C4orf17: variants seen among roughly 807,000 people sequenced by gnomAD.
C4orf17 encodes the protein chromosome 4 open reading frame 17.
Under a neutral mutation model 32.0 loss-of-function variants are expected in C4orf17, and 25 were observed. The observed-to-expected ratio is 0.78, with a 90% CI of 0.57 to 1.09. The LOEUF is 1.09. Ranked by LOEUF, C4orf17 falls within the 50% of genes least tolerant of loss-of-function variation. The pLI is 0.00. For missense variants in C4orf17, 420 were observed against 420.0 expected (o/e 1.00, Z 0.00); for synonymous variants, 149 against 145.8 (o/e 1.02, Z -0.16).
chr4:99,519,486 C>A (rs1318799775), intron 2 of C4orf17: 1 of 152,136 alleles, frequency 6.6e-6, no homozygotes, highest in Non-Finnish European at 1.5e-5. Context: ...GAAGGTGTGT[C>A]TGTTTTGTTC....
intron 1 of C4orf17, 128 bp downstream of exon 1, chr4:99,511,400 AAT>A (rs1021372591): frequency 6.6e-6 from 1 of 151,828 alleles, no homozygotes; most frequent in African/African-American, 2.4e-5. Flanking sequence ...AAGAAAATGA[AAT>A]ACACATTGTT....
chr4:99,529,989 T>C, intron 5 of C4orf17, 31 bp downstream of exon 5: 2 of 1,581,140 alleles, frequency 1.3e-6, no homozygotes, highest in Non-Finnish European at 1.7e-6. Flanking sequence ...ATCCATAACT[T>C]GGAAACAGCA....
At position 99,528,256 on chromosome 4, in the gene C4orf17, G is replaced by C. The variant is rs148334282; in HGVS notation, c.403-1559G>C. Reference sequence around the variant, plus strand: ...CAAAAGTTTATTCAATAAGTTTATTGATTTTATTAGTGTATCAAGGAATTG... The same window carrying C: ...CAAAAGTTTATTCAATAAGTTTATTCATTTTATTAGTGTATCAAGGAATTG... On this transcript the variant is annotated intron_variant, in intron 4 of 8. Coordinates refer to ENST00000326581, the MANE Select transcript of C4orf17 (RefSeq NM_032149.3). Among the ~76,000 whole-genome samples, 816 of 152,070 alleles carry C rather than the reference G, an allele frequency of 5.4e-3. 9 individuals carry two copies. Among genetic ancestry groups the C allele is most frequent in the African/African-American group, 0.018 (759 of 41,490 alleles).
intron 6 of C4orf17, 38 bp from the exon 7 acceptor site, chr4:99,539,125 C>G (rs548487782): frequency 1.3e-6 from 2 of 1,572,276 alleles, no homozygotes; most frequent in East Asian, 4.5e-5. Flanking sequence ...ATAATTGCAA[C>G]CTTCACTCCT....
intron 6 of C4orf17, among the ~76,000 whole-genome samples, chr4:99,538,828 T>C (rs1723606294): frequency 6.6e-6 from 1 of 152,220 alleles, no homozygotes; most frequent in Non-Finnish European, 1.5e-5. Context: ...GGAATCATAT[T>C]ACCCTTCTTA....
chr4:99,525,754 GC>G (rs1491575361), intron 4 of C4orf17, among the ~76,000 whole-genome samples: 1 of 151,500 alleles, frequency 6.6e-6, no homozygotes, highest in African/African-American at 2.4e-5. Context: ...CCGAGATGGT[GC>G]CACTGCACTG....
intron 2 of C4orf17, among the ~76,000 whole-genome samples, chr4:99,513,674 C>T (rs1202962047): frequency 6.6e-6 from 1 of 152,052 alleles, no homozygotes; most frequent in Non-Finnish European, 1.5e-5. Context: ...CCCTCCCTTC[C>T]TTCCTCCCTT....
At chr4:99,523,117 CCTGTGTTACTGCTTT>C (rs1450114527) in intron 3 of C4orf17, among the ~76,000 whole-genome samples, 2 of 152,028 alleles carry the variant, frequency 1.3e-5, no homozygotes, top group Non-Finnish European at 2.9e-5. Flanking sequence ...AAGGTCAGGC[CCTGTGTTACTGCTTT>C]CTGTGTTTCT....
chr4:99,524,081 G>A (rs10012712), intron 3 of C4orf17, among the ~76,000 whole-genome samples: 27,257 of 147,784 alleles, frequency 0.18, 4,217 homozygotes, highest in African/African-American at 0.43. Flanking sequence ...CTGGGTTCAC[G>A]CCATTCTCCT....
At chr4:99,531,522 C>T (rs191672544) in intron 5 of C4orf17, among the ~76,000 whole-genome samples, 1 of 152,024 alleles carries the variant, frequency 6.6e-6, no homozygotes, top group African/African-American at 2.4e-5. Context: ...ATGAAAGAGC[C>T]CTCCTCTCAA....
At chr4:99,527,269 T>C (rs1451523238) in intron 4 of C4orf17, among the ~76,000 whole-genome samples, 1 of 152,234 alleles carries the variant, frequency 6.6e-6, no homozygotes, top group Non-Finnish European at 1.5e-5. Context: ...ACACTTTGTA[T>C]ACTTTGTAAT....
intron 4 of C4orf17, 104 bp from the exon 5 acceptor site, chr4:99,529,711 C>T: frequency 1.1e-6 from 1 of 873,098 alleles, no homozygotes; most frequent in Non-Finnish European, 1.6e-6. Flanking sequence ...TTTCATGTAT[C>T]TCTCTTATTA....
At position 99,511,547 on chromosome 4, in the gene C4orf17, T is replaced by C. The variant is rs1723093675; in HGVS notation, c.-94+275T>C. Among the ~76,000 whole-genome samples the C allele has an allele frequency of 2.0e-5, 3 of 152,008 alleles. 1 individual carries two copies. Among genetic ancestry groups the C allele is most frequent in the East Asian group, 3.9e-4 (2 of 5,194 alleles). ...CATTTAAGTCAATTTCATCAGGTAA[T>C]AGACAAACAGACTGAAATCTAGGCA... On this transcript the variant is annotated intron_variant, in intron 1 of 8. Coordinates refer to ENST00000326581, the MANE Select transcript of C4orf17 (RefSeq NM_032149.3).
At chr4:99,540,165 G>A (rs1184009967) in intron 7 of C4orf17, among the ~76,000 whole-genome samples, 1 of 151,980 alleles carries the variant, frequency 6.6e-6, no homozygotes, top group South Asian at 2.1e-4. Context: ...TCAGAAACTA[G>A]AAGATAGTAA....
At chr4:99,513,330 T>C in intron 2 of C4orf17, 122 bp downstream of exon 2, 1 of 1,269,726 alleles carries the variant, frequency 7.9e-7, no homozygotes, top group Non-Finnish European at 1.1e-6. Context: ...GGTATGGGAA[T>C]TGACTATTGG....
chr4:99,514,329 G>C (rs564271993), intron 2 of C4orf17, among the ~76,000 whole-genome samples: 2 of 152,248 alleles, frequency 1.3e-5, no homozygotes, highest in East Asian at 3.9e-4. Context: ...CCTGCAGAGT[G>C]GGAGAAAATA....
chr4:99,536,215 C>G (rs138776014), intron 5 of C4orf17: 1 of 195,624 alleles, frequency 5.1e-6, no homozygotes, highest in Non-Finnish European at 1.0e-5. Context: ...GATCAGGGAC[C>G]TACTTAAAGA....
chr4:99,542,025 A>G lies in C4orf17; in HGVS notation c.996A>G (p.Ser332=). The G allele has an allele frequency of 6.2e-7, 1 of 1,614,146 alleles. No individual in the cohort carries two copies. Among genetic ancestry groups the G allele is most frequent in the Non-Finnish European group, 8.5e-7 (1 of 1,179,990 alleles). Residue 332 remains serine (S), a synonymous_variant, in exon 9 of 9, where the codon TCA becomes TCG. Transcript: ENST00000326581. ...GGCCTAACACTCAGGAGAGTGGATC[A>G]GCAAAACCAGTGTCAGCAAGGAGTA... ...PPRPNTQESG[S]AKPVSARSIQ...
intron 2 of C4orf17, among the ~76,000 whole-genome samples, chr4:99,514,783 A>G (rs1268937271): frequency 2.6e-5 from 4 of 152,206 alleles, no homozygotes; most frequent in African/African-American, 4.8e-5. Flanking sequence ...ATAAGTCATT[A>G]TATGAAAAAG....
Sources: gnomAD v4.1 joint callset for allele counts (sites outside exome capture counted in the v4.1 genomes callset) on GRCh38, gnomAD v4.1.1 for gene constraint, MANE v1.5 for transcripts, NCBI Gene and HGNC (gene_info 2026-07-23, HGNC 2026-07-21) for gene names.